Variants in ZFPM2 observed in about 807,000 individuals in gnomAD.
ZFPM2 encodes the protein zinc finger protein, FOG family member 2.
A neutral mutation model predicts 98.6 loss-of-function variants in ZFPM2; 20 were observed. The observed-to-expected ratio is 0.20, with a 90% CI of 0.14 to 0.29. ZFPM2 has a LOEUF of 0.29. Ranked by LOEUF, ZFPM2 falls within the 10% of genes least tolerant of loss-of-function variation. ZFPM2 has a pLI of 1.00. For missense variants in ZFPM2, 1,310 were observed against 1,388.6 expected (o/e 0.94, Z 0.90); for synonymous variants, 518 against 502.7 (o/e 1.03, Z -0.41).
chr8:105,351,462 G>A (rs1480904698), intron 1 of ZFPM2, among the ~76,000 whole-genome samples: 1 of 151,818 alleles, frequency 6.6e-6, no homozygotes, highest in Non-Finnish European at 1.5e-5. Context: ...GATAAGGAGG[G>A]CTGACTGTAC....
intron 3 of ZFPM2, among the ~76,000 whole-genome samples, chr8:105,455,248 A>G (rs1378917881): frequency 1.3e-5 from 2 of 152,200 alleles, no homozygotes; most frequent in South Asian, 2.1e-4. Flanking sequence ...AAAGACCTCA[A>G]TCTAGGTAAA....
chr8:105,557,763 A>G (rs1329530403), intron 3 of ZFPM2, among the ~76,000 whole-genome samples: 1 of 152,212 alleles, frequency 6.6e-6, no homozygotes, highest in Non-Finnish European at 1.5e-5. Context: ...AATAAATCAA[A>G]TAAGAATTGG....
rs1814015784 is a variant in ZFPM2, at chr8:105,801,556, T to C, written c.1474T>C (p.Phe492Leu). The C allele has an allele frequency of 1.2e-6, 2 of 1,613,768 alleles. No individual in the cohort carries two copies. The highest frequency in any genetic ancestry group is 2.2e-5 in the South Asian group (2 of 91,084). ...SPVQPNIGPS[F>L]PVGPFLSQFS... is the part of the protein sequence containing the mutation. The stretch of plus-strand genomic sequence containing the variant: ...AGTTCAGCCTAATATTGGGCCTTCT[T>C]TCCCTGTGGGCCCTTTCCTATCTCA... Residue 492 changes from phenylalanine to leucine, a missense_variant, in exon 8 of 8, where the codon TTC (phenylalanine) becomes CTC (leucine). Transcript: ENST00000407775.
intron 5 of ZFPM2, among the ~76,000 whole-genome samples, chr8:105,703,826 A>G (rs1465637391): frequency 6.6e-6 from 1 of 152,198 alleles, no homozygotes; most frequent in Non-Finnish European, 1.5e-5. Context: ...TAAAGAATCA[A>G]CTGTTTTAAT....
At chr8:105,673,207 T>TTTTTTA (rs398009231) in intron 5 of ZFPM2, among the ~76,000 whole-genome samples, 1 of 149,044 alleles carries the variant, frequency 6.7e-6, no homozygotes, top group Non-Finnish European at 1.5e-5. Flanking sequence ...TTTTTTTTTT[T>TTTTTTA]ACCGATCGTA....
At chr8:105,789,331 C>T (rs4036839) in intron 6 of ZFPM2, among the ~76,000 whole-genome samples, 14,273 of 151,852 alleles carry the variant, frequency 0.094, 912 homozygotes, top group Non-Finnish European at 0.14. Flanking sequence ...TGAGAATATG[C>T]GGTGTTTGGT....
At chr8:105,664,938 G>A (rs1370054466) in intron 5 of ZFPM2, among the ~76,000 whole-genome samples, 1 of 152,070 alleles carries the variant, frequency 6.6e-6, no homozygotes, top group Non-Finnish European at 1.5e-5. Context: ...GGAATTATTA[G>A]GATAATTAAG....
intron 5 of ZFPM2, among the ~76,000 whole-genome samples, chr8:105,750,918 A>G (rs549619529): frequency 2.0e-5 from 3 of 152,104 alleles, no homozygotes; most frequent in Admixed American, 6.6e-5. Context: ...GTCACCCAGG[A>G]TATGTTAACA....
intron 1 of ZFPM2, among the ~76,000 whole-genome samples, chr8:105,342,168 G>T (rs1162484424): frequency 6.6e-6 from 1 of 151,914 alleles, no homozygotes; most frequent in East Asian, 1.9e-4. Flanking sequence ...TGAATATGGA[G>T]ATTATAAAGA....
At chr8:105,445,441 A>G (rs1162834660) in intron 3 of ZFPM2, among the ~76,000 whole-genome samples, 1 of 152,126 alleles carries the variant, frequency 6.6e-6, no homozygotes. Context: ...GAAGGAAAAT[A>G]TAGCCTTCTG....
chr8:105,671,487 AG>A lies in ZFPM2; in HGVS notation c.532+37132del, dbSNP rs377625825. ...TAATTTTTCATCTGTACATTATCAG[AG>A]GAAAAAAAAGAATTTTTAATTTTCT... On this transcript the variant is annotated intron_variant, in intron 5 of 7. Transcript: ENST00000407775. Among the ~76,000 whole-genome samples the A allele has an allele frequency of 4.3e-4, 66 of 151,928 alleles. 1 individual carries two copies. The East Asian group carries it at 7.5e-3, about 17-fold the overall frequency.
At chr8:105,416,764 T>G (rs1256307516) in intron 1 of ZFPM2, among the ~76,000 whole-genome samples, 1 of 152,060 alleles carries the variant, frequency 6.6e-6, no homozygotes, top group Non-Finnish European at 1.5e-5. Flanking sequence ...TATAAGACTA[T>G]CTTTCTGACT....
At chr8:105,579,595 C>G (rs992703231) in intron 4 of ZFPM2, among the ~76,000 whole-genome samples, 7 of 152,110 alleles carry the variant, frequency 4.6e-5, no homozygotes, top group Non-Finnish European at 1.0e-4. Context: ...TCAGGTACCA[C>G]TGTCCTGATT....
At chr8:105,621,483 T>A (rs1448284615) in intron 4 of ZFPM2, among the ~76,000 whole-genome samples, 1 of 152,182 alleles carries the variant, frequency 6.6e-6, no homozygotes, top group African/African-American at 2.4e-5. Context: ...CAGGGTCAAT[T>A]TGACTTCCTC....
chr8:105,329,914 C>A (rs1193175216), intron 1 of ZFPM2, among the ~76,000 whole-genome samples: 1 of 151,272 alleles, frequency 6.6e-6, no homozygotes, highest in Non-Finnish European at 1.5e-5. Flanking sequence ...AATGGAAATC[C>A]CCAAATTCTT....
chr8:105,687,563 T>C (rs1319840787), intron 5 of ZFPM2, among the ~76,000 whole-genome samples: 3 of 152,170 alleles, frequency 2.0e-5, no homozygotes, highest in Non-Finnish European at 4.4e-5. Flanking sequence ...AACACATATA[T>C]AAACCCAGTT....
At chr8:105,324,859 GT>G in intron 1 of ZFPM2, among the ~76,000 whole-genome samples, 1 of 151,986 alleles carries the variant, frequency 6.6e-6, no homozygotes, top group East Asian at 1.9e-4. Flanking sequence ...TTTAGAGAAA[GT>G]TTTTTGATGT....
At position 105,538,922 on chromosome 8, in the gene ZFPM2, A is replaced by G. The variant is rs556372156; in HGVS notation, c.302-22441A>G. 3.5e-4 allele frequency among the ~76,000 whole-genome samples: 54 copies of G among 152,208 alleles called. 1 individual carries two copies. The highest frequency in any genetic ancestry group is 6.8e-4 in the Non-Finnish European group (46 of 67,996). ...CCCAGCTACTCGGGAGGCTGAGACC[A>G]GAGAATCAATCACTTGAGCCTGGGA... On this transcript the variant is annotated intron_variant, in intron 3 of 7. Coordinates refer to ENST00000407775, the MANE Select transcript of ZFPM2 (RefSeq NM_012082.4).
chr8:105,397,470 A>G (rs1811246004), intron 1 of ZFPM2, among the ~76,000 whole-genome samples: 1 of 152,110 alleles, frequency 6.6e-6, no homozygotes, highest in Admixed American at 6.5e-5. Flanking sequence ...TTTTCAGTGT[A>G]TTTGTTCATG....
Sources: allele counts gnomAD v4.1 joint callset (sites outside exome capture counted in the v4.1 genomes callset), GRCh38; gene constraint gnomAD v4.1.1; transcripts MANE v1.5; gene names NCBI Gene and HGNC (gene_info 2026-07-23, HGNC 2026-07-21).